The following RORB variants were observed in gnomAD, a reference collection of about 807,000 sequenced individuals.
RORB encodes the protein RAR related orphan receptor B.
Under a neutral mutation model 59.1 loss-of-function variants are expected in RORB, and 6 were observed. That is an observed-to-expected ratio of 0.10 (90% CI 0.06 to 0.20). The LOEUF (loss-of-function observed/expected upper bound fraction) is 0.20. Ranked by LOEUF, RORB falls within the 10% of genes least tolerant of loss-of-function variation. The probability of loss-of-function intolerance (pLI) is 1.00; values close to 1 mark genes in which losing one functional copy is unlikely to be tolerated. For synonymous variants in RORB, 215 were observed against 204.5 expected, an observed-to-expected ratio of 1.05 and a Z score of -0.44; for missense variants, 320 against 560.5, an observed-to-expected ratio of 0.57 and a Z score of 4.33.
intron 6 of RORB, 34 bp downstream of exon 6, chr9:74,662,640 G>T (rs1378745255): frequency 6.2e-7 from 1 of 1,608,106 alleles, no homozygotes. Context: ...GCCTATTTCA[G>T]ATAAGGATGT....
Position 74,642,809 on chromosome 9 carries a change from G to A in RORB, c.631G>A (p.Glu211Lys), listed in dbSNP as rs761279421. 1 of 1,585,190 alleles carries A rather than the reference G, an allele frequency of 6.3e-7. No homozygotes were observed. Among genetic ancestry groups the A allele is most frequent in the Non-Finnish European group, 8.6e-7 (1 of 1,161,542 alleles). The change falls in exon 4 of 10, where the codon GAA becomes AAA. Residue 211 changes from glutamate (E) to lysine (K), a missense_variant. By Grantham distance (56) the Glu-to-Lys change is moderately conservative (BLOSUM62 1). Around this residue, in one of 4 missense-constraint regions of RORB, gnomAD observed 134 missense variants for 156.2 expected, o/e 0.86. Coordinates refer to ENST00000376896, the MANE Select transcript of RORB (RefSeq NM_006914.4). The part of the protein sequence containing the change: ...GQLAPGITMT[E>K]IDRIAQNIIK... ...GTTAGCACCAGGGATAACCATGACTGAAATCGGTAAGTGGAAGTCTCCTCC... is the reference window on the plus strand; with the variant it reads ...GTTAGCACCAGGGATAACCATGACTAAAATCGGTAAGTGGAAGTCTCCTCC...
In RORB at chr9:74,606,270, C is replaced by T. The variant is rs557424053; in HGVS notation, c.8-24012C>T. ...ACAATGAATGGCATGATATATTTGC[C>T]TTTGGTTGCCTCTCTGAATTTTCTG... On this transcript the variant is annotated intron_variant, in intron 1 of 9. Transcript: ENST00000376896. 3.9e-5 allele frequency among the ~76,000 whole-genome samples: 6 copies of T among 152,274 alleles called. No homozygotes were observed. In the East Asian group the frequency reaches 9.6e-4, roughly 24 times the overall value.
chr9:74,526,330 G>T (rs546456095), intron 1 of RORB, among the ~76,000 whole-genome samples: 1 of 151,730 alleles, frequency 6.6e-6, no homozygotes, highest in East Asian at 2.0e-4. Context: ...TAACTATGTG[G>T]CTTGAGCAAC....
chr9:74,663,962 A>G (rs1320217026), intron 6 of RORB, among the ~76,000 whole-genome samples: 1 of 152,228 alleles, frequency 6.6e-6, no homozygotes, highest in Non-Finnish European at 1.5e-5. Context: ...TTTCCATTAT[A>G]TACCATCAGT....
At chr9:74,625,736 A>G (rs1823501272) in intron 1 of RORB, among the ~76,000 whole-genome samples, 1 of 152,244 alleles carries the variant, frequency 6.6e-6, no homozygotes, top group Non-Finnish European at 1.5e-5. Flanking sequence ...TCTCCTTTAG[A>G]CACCATAGAA....
At position 74,637,033 on chromosome 9, in the gene RORB, G is replaced by A. The variant is rs146450521; in HGVS notation, c.235+2261G>A. Among the ~76,000 whole-genome samples the A allele has an allele frequency of 2.0e-5, 3 of 152,266 alleles. No homozygotes were observed. The East Asian group carries it at 5.8e-4, about 29-fold the overall frequency. On this transcript the variant is annotated intron_variant, in intron 3 of 9. Coordinates refer to ENST00000376896, the MANE Select transcript of RORB (RefSeq NM_006914.4). ...AATTATGGTTGATTACCTATGTCTA[G>A]TAAAGGCTCAAGAATGAAAGACACG...
intron 1 of RORB, among the ~76,000 whole-genome samples, chr9:74,567,938 T>G (rs1275578847): frequency 1.3e-5 from 2 of 152,192 alleles, no homozygotes; most frequent in Non-Finnish European, 2.9e-5. Context: ...TCAAGCCTAG[T>G]GTCATTTTAT....
At chr9:74,535,292 A>G (rs1489167828) in intron 1 of RORB, among the ~76,000 whole-genome samples, 3 of 152,086 alleles carry the variant, frequency 2.0e-5, no homozygotes, top group Admixed American at 6.6e-5. Context: ...AGAGGGATTT[A>G]CATTGCCCAT....
At chr9:74,677,698 A>G (rs1305096531) in intron 9 of RORB, among the ~76,000 whole-genome samples, 3 of 152,176 alleles carry the variant, frequency 2.0e-5, no homozygotes, top group Non-Finnish European at 2.9e-5. Flanking sequence ...CCAGGTGAGG[A>G]ACCTGAGCAT....
chr9:74,533,667 C>T (rs1826279540), intron 1 of RORB, among the ~76,000 whole-genome samples: 1 of 151,980 alleles, frequency 6.6e-6, no homozygotes, highest in Non-Finnish European at 1.5e-5. Flanking sequence ...AGCATCAGTC[C>T]AGAGAGACAA....
chr9:74,538,945 G>A (rs1826363487), intron 1 of RORB, among the ~76,000 whole-genome samples: 2 of 152,106 alleles, frequency 1.3e-5, no homozygotes, highest in South Asian at 2.1e-4. Context: ...CCACCTTGAA[G>A]AAGATAGTGG....
chr9:74,606,978 T>C (rs184152516), intron 1 of RORB, among the ~76,000 whole-genome samples: 1 of 152,296 alleles, frequency 6.6e-6, no homozygotes, highest in Admixed American at 6.5e-5. Context: ...TCATGAGAGA[T>C]AGGAATGCTT....
At chr9:74,656,998 G>C (rs748482340) in intron 4 of RORB, among the ~76,000 whole-genome samples, 1 of 152,100 alleles carries the variant, frequency 6.6e-6, no homozygotes, top group African/African-American at 2.4e-5. Flanking sequence ...AGATGGACTC[G>C]GTTTCAAAAC....
At chr9:74,516,490 G>C (rs75761955) in intron 1 of RORB, among the ~76,000 whole-genome samples, 1 of 152,044 alleles carries the variant, frequency 6.6e-6, no homozygotes, top group East Asian at 1.9e-4. Flanking sequence ...TGTCAAAATA[G>C]GAGTTTTGTT....
chr9:74,642,171 A>C (rs1343764133), intron 3 of RORB, among the ~76,000 whole-genome samples: 1 of 152,204 alleles, frequency 6.6e-6, no homozygotes, highest in Non-Finnish European at 1.5e-5. Flanking sequence ...TACATACATA[A>C]GTTTTTATAT....
Position 74,671,946 on chromosome 9 carries a change from A to G in RORB, c.1224+45A>G, listed in dbSNP as rs558039023. On this transcript the variant is annotated intron_variant, in intron 9 of 9. Coordinates refer to ENST00000376896, the MANE Select transcript of RORB (RefSeq NM_006914.4). ...AGCCACCACCACCAAAAGAGAGCAC[A>G]GTGAGCAAAAAGGACTGCTTATAAA... 4.5e-6 allele frequency: 5 copies of G among 1,122,770 alleles called. No homozygotes were observed. The Admixed American group carries it at 6.5e-5, about 15-fold the overall frequency. The allele number at this position is 1,122,770 out of a possible 1,614,324, so 69.6% of individuals were successfully genotyped here. A position where few individuals can be genotyped will look rare whatever the true frequency, so the allele number is the denominator to read the frequency against.
chr9:74,522,600 A>G (rs1210165311), intron 1 of RORB, among the ~76,000 whole-genome samples: 1 of 151,798 alleles, frequency 6.6e-6, no homozygotes, highest in Non-Finnish European at 1.5e-5. Flanking sequence ...CAATTCTTTG[A>G]TTTTGCTAAA....
chr9:74,596,187 T>G (rs928691087), intron 1 of RORB, among the ~76,000 whole-genome samples: 1 of 152,208 alleles, frequency 6.6e-6, no homozygotes, highest in Non-Finnish European at 1.5e-5. Flanking sequence ...TGAAAACACC[T>G]GTACTTTAGA....
intron 1 of RORB, among the ~76,000 whole-genome samples, chr9:74,610,618 C>T (rs1203276334): frequency 6.6e-6 from 1 of 152,184 alleles, no homozygotes; most frequent in Non-Finnish European, 1.5e-5. Flanking sequence ...GGGAGACACA[C>T]ACATTCAGAC....
Sources: allele counts gnomAD v4.1 joint callset (sites outside exome capture counted in the v4.1 genomes callset), GRCh38; gene constraint gnomAD v4.1.1; regional missense constraint gnomAD v4.1.1; transcripts MANE v1.5; gene names NCBI Gene and HGNC (gene_info 2026-07-23, HGNC 2026-07-21).